HSPG2: variants seen among roughly 807,000 people sequenced by gnomAD.
HSPG2 encodes the protein basement membrane-specific heparan sulfate proteoglycan core protein.
In HSPG2, 278 loss-of-function variants were observed where a neutral mutation model predicts 526.6. The ratio of observed to expected loss-of-function variants is 0.53; its 90% confidence interval spans 0.48 to 0.58. The LOEUF is 0.58. Among genes scored for constraint, HSPG2 ranks in the 20% least tolerant of loss-of-function variants. The probability of loss-of-function intolerance (pLI) is 0.00; values close to 1 mark genes in which losing one functional copy is unlikely to be tolerated. For missense variants in HSPG2, 5,354 were observed against 6,099.5 expected (o/e 0.88, Z 4.07); for synonymous variants, 2,465 against 2,555.4 (o/e 0.96, Z 1.07).
rs376040604 is a variant in HSPG2 at position 21,865,381 on chromosome 1, C to A, written c.4315-16G>T. ...TGTTGTTGCCCTGGAAAGACACCAG[C>A]AGGATTGGAAGGGGAGCCGAGGGGT... On this transcript the variant is annotated splice_polypyrimidine_tract_variant and intron_variant, in intron 34 of 96. Coordinates refer to ENST00000374695, the MANE Select transcript of HSPG2 (RefSeq NM_005529.7). The surrounding 1 kb of genome is among the most constrained non-coding windows in gnomAD (Gnocchi z 5.4). 2.6e-4 allele frequency: 415 copies of A among 1,613,710 alleles called. 1 individual carries two copies. The African/African-American group carries it at 5.1e-3, about 20-fold the overall frequency.
At chr1:21,867,872 G>C (rs1361015766) in intron 33 of HSPG2, among the ~76,000 whole-genome samples, 1 of 151,940 alleles carries the variant, frequency 6.6e-6, no homozygotes, top group Non-Finnish European at 1.5e-5. Context: ...TAGGATTACA[G>C]GTGCCTGCCA....
chr1:21,855,889 CG>C lies in HSPG2; in HGVS notation c.5598del (p.Val1867TrpfsTer94). ...HVQASGTLSA[P>X]VVSIHPPQLT... ...AGCTGTGGCGGATGGATGGAGACCA[CG>C]GGGGCGGACAAGGTGCCCGAGGCTG... On this transcript the variant is annotated frameshift_variant, in exon 45 of 97. Transcript: ENST00000374695. LOFTEE classifies it high-confidence loss of function. 1 of 1,611,172 alleles carries C rather than the reference CG, an allele frequency of 6.2e-7. No homozygotes were observed.
chr1:21,870,259 A>G, intron 33 of HSPG2: 1 of 986,040 alleles, frequency 1.0e-6, no homozygotes, highest in Non-Finnish European at 1.2e-6. Context: ...GGGCTCTGGG[A>G]TCCTCCCAGC....
intron 1 of HSPG2, among the ~76,000 whole-genome samples, chr1:21,924,726 C>T (rs1644138560): frequency 6.6e-6 from 1 of 152,080 alleles, no homozygotes; most frequent in African/African-American, 2.4e-5. Context: ...CTTATTCTTT[C>T]CCAACCTTAA....
At chr1:21,906,724 T>TG (rs199795360) in intron 1 of HSPG2, among the ~76,000 whole-genome samples, 2 of 13,126 alleles carry the variant, frequency 1.5e-4, no homozygotes, top group African/African-American at 5.8e-4. Flanking sequence ...ATGATGGGAC[T>TG]GGGGGGTGGG....
Position 21,885,138 on chromosome 1 carries a change from T to C in HSPG2, c.1230A>G (p.Thr410=). ...AAGCCTGGATGGACTCCCGGGGAGG[T>C]GTCACCACCTGGGGGGGCACTGAGG... ...EFGCMPPQVV[T]PPRESIQASR... The change falls in exon 11 of 97, where the codon ACA becomes ACG. Residue 410 remains threonine, a synonymous_variant. Coordinates refer to ENST00000374695, the MANE Select transcript of HSPG2 (RefSeq NM_005529.7). 6.2e-7 allele frequency: 1 copy of C among 1,609,100 alleles called. No individual in the cohort carries two copies. Among genetic ancestry groups the C allele is most frequent in the South Asian group, 1.1e-5 (1 of 90,736 alleles).
Position 21,862,983 on chromosome 1 carries a change from C to T in HSPG2, c.4741-868G>A, listed in dbSNP as rs113943041. 3.3e-3 allele frequency among the ~76,000 whole-genome samples: 483 copies of T among 147,690 alleles called. 3 individuals are homozygous for T. Among genetic ancestry groups the T allele is most frequent in the African/African-American group, 0.012 (470 of 39,758 alleles). On this transcript the variant is annotated intron_variant, in intron 37 of 96. Transcript: ENST00000374695. ...GCTGAGGCAGGAGAATGGCGTGAAC[C>T]CAGGAGGCGGAGCTTGCAGTGAGCC...
chr1:21,825,201 A>G, intron 91 of HSPG2: 2 of 235,034 alleles, frequency 8.5e-6, no homozygotes, highest in Non-Finnish European at 1.7e-5. Flanking sequence ...AGAAGCACAT[A>G]TATAGCAAGT....
intron 39 of HSPG2, 51 bp downstream of exon 39, chr1:21,861,706 G>A (rs1639802537): frequency 6.6e-7 from 1 of 1,517,148 alleles, no homozygotes; most frequent in South Asian, 1.1e-5. Context: ...TCTCACTTGG[G>A]AGTCCACCAT....
In HSPG2 at chr1:21,848,777, G is replaced by C; in HGVS notation, c.7603C>G (p.Pro2535Ala). Residue 2535 changes from proline to alanine, a missense_variant, in exon 59 of 97, where the codon CCC becomes GCC. Coordinates refer to ENST00000374695, the MANE Select transcript of HSPG2 (RefSeq NM_005529.7). The surrounding 1 kb of genome is among the most constrained non-coding windows in gnomAD (Gnocchi z 4.9). ...GCTGAGGAGGACTCGATGCGGACGG[G>C]GTACGCCACACCCTGGGCTGGGAGG... is the stretch of plus-strand genomic sequence containing the variant. The part of the protein sequence containing the change: ...SGSHSQGVAY[P>A]VRIESSSASL... 6.2e-7 allele frequency: 1 copy of C among 1,613,718 alleles called. No homozygotes were observed. Among genetic ancestry groups the C allele is most frequent in the South Asian group, 1.1e-5 (1 of 91,056 alleles).
Position 21,907,025 on chromosome 1 carries a change from T to C in HSPG2, c.64-10715A>G, listed in dbSNP as rs111750107. ...AGCTGGTAGTAGGAGGGGTGTGTTC[T>C]CTCTCCTCAGGGTGATTGACACCTG... is the stretch of plus-strand genomic sequence containing the variant. On this transcript the variant is annotated intron_variant, in intron 1 of 96. Coordinates refer to ENST00000374695, the MANE Select transcript of HSPG2 (RefSeq NM_005529.7). Among the ~76,000 whole-genome samples, 1,052 of 152,222 alleles carry C rather than the reference T, an allele frequency of 6.9e-3. 11 individuals carry two copies. Among genetic ancestry groups the C allele is most frequent in the African/African-American group, 0.024 (986 of 41,532 alleles).
At chr1:21,914,217 A>T (rs767533043) in intron 1 of HSPG2, among the ~76,000 whole-genome samples, 2 of 152,118 alleles carry the variant, frequency 1.3e-5, no homozygotes, top group African/African-American at 4.8e-5. Flanking sequence ...ATACATGTCA[A>T]ATGGTGAGAG....
At chr1:21,896,033 C>T (rs984983375) in intron 2 of HSPG2, 67 bp from the exon 3 acceptor site, 1 of 1,588,680 alleles carries the variant, frequency 6.3e-7, no homozygotes, top group Non-Finnish European at 8.6e-7. Flanking sequence ...GGGTGTCAGG[C>T]ACTGTTCTGG....
rs748522136 is a variant in HSPG2, at chr1:21,844,177, G to C, written c.8587C>G (p.Arg2863Gly). 1.2e-6 allele frequency: 2 copies of C among 1,613,612 alleles called. No homozygotes were observed. Among genetic ancestry groups the C allele is most frequent in the Admixed American group, 3.3e-5 (2 of 60,032 alleles). Reference sequence around the variant, plus strand: ...TGCCGGGCAGGGAGGTTTCCTCCACGCTTGTGCCACGTGACCTGGGCGTGG... The same window carrying C: ...TGCCGGGCAGGGAGGTTTCCTCCACCCTTGTGCCACGTGACCTGGGCGTGG... ...QAHAQVTWHK[R>G]GGNLPARHQV... Residue 2863 changes from arginine (R) to glycine (G), a missense_variant, in exon 65 of 97, where the codon CGT (arginine) becomes GGT (glycine). Transcript: ENST00000374695.
chr1:21,831,540 A>G lies in HSPG2; in HGVS notation c.11375T>C (p.Leu3792Pro), dbSNP rs1437055271. 2.5e-6 allele frequency: 4 copies of G among 1,614,022 alleles called. No homozygotes were observed. Among genetic ancestry groups the G allele is most frequent in the African/African-American group, 1.3e-5 (1 of 74,928 alleles). ...GCCACCCAGGTAGAGTTCCTCGTTC[A>G]GATCCAGGCCCTGGAACTTGCCCTG... ...TSQGKFQGLD[L>P]NEELYLGGYP... Residue 3792 changes from leucine to proline, a missense_variant, in exon 83 of 97, where the codon CTG (leucine) becomes CCG (proline). Coordinates refer to ENST00000374695, the MANE Select transcript of HSPG2 (RefSeq NM_005529.7).
intron 23 of HSPG2, 69 bp from the exon 24 acceptor site, chr1:21,876,111 T>C: frequency 1.3e-6 from 2 of 1,590,142 alleles, no homozygotes; most frequent in Non-Finnish European, 1.7e-6. Context: ...CCAGCCACCT[T>C]TTCCATGCAG....
At chr1:21,880,066 TCTC>T (rs1431956151) in intron 17 of HSPG2, 38 bp downstream of exon 17, 1 of 1,610,458 alleles carries the variant, frequency 6.2e-7, no homozygotes, top group Non-Finnish European at 8.5e-7. Flanking sequence ...CATTGTCCCT[TCTC>T]CTATTTTAGT....
chr1:21,931,641 C>A (rs146833986), intron 1 of HSPG2, among the ~76,000 whole-genome samples: 1,693 of 152,292 alleles, frequency 0.011, 21 homozygotes, highest in South Asian at 0.026. Context: ...GGCTGGGAAC[C>A]CTTCCCATAT....
chr1:21,901,832 C>T (rs548430644), intron 1 of HSPG2, among the ~76,000 whole-genome samples: 9 of 152,292 alleles, frequency 5.9e-5, no homozygotes, highest in Admixed American at 3.3e-4. Context: ...CTCCCTGCCA[C>T]GGTCACCACA....
Sources: allele counts gnomAD v4.1 joint callset (sites outside exome capture counted in the v4.1 genomes callset), GRCh38; gene constraint gnomAD v4.1.1; non-coding constraint Gnocchi (gnomAD v3.1); transcripts MANE v1.5; gene names NCBI Gene and HGNC (gene_info 2026-07-23, HGNC 2026-07-21).